GAS7: variants seen among roughly 807,000 people sequenced by gnomAD.
GAS7 encodes the protein growth arrest specific 7, also known as growth arrest-specific protein 7.
GAS7 carries 28 observed loss-of-function variants against 71.1 expected under a neutral mutation model. The observed-to-expected ratio is 0.39, with a 90% CI of 0.29 to 0.54. The LOEUF is 0.54. Ranked by LOEUF, GAS7 falls within the 20% of genes least tolerant of loss-of-function variation. The pLI is 0.62. For missense variants in GAS7, 436 were observed against 627.8 expected (o/e 0.69, Z 3.27); for synonymous variants, 258 against 245.8 (o/e 1.05, Z -0.46).
chr17:10,088,220 C>CAATAATAATAAT (rs58029258), intron 1 of GAS7, among the ~76,000 whole-genome samples: 3,932 of 137,756 alleles, frequency 0.029, 64 homozygotes, highest in African/African-American at 0.042. Context: ...GACTCTATCT[C>CAATAATAATAAT]AATAATAATA....
At chr17:10,098,102 G>A (rs909538465) in intron 1 of GAS7, among the ~76,000 whole-genome samples, 2 of 151,732 alleles carry the variant, frequency 1.3e-5, no homozygotes, top group Admixed American at 1.3e-4. Context: ...GAGACCCTGG[G>A]GTGTCCCCAA....
At position 9,917,048 on chromosome 17, in the gene GAS7, C is replaced by G; in HGVS notation, c.*180G>C. 3.3e-6 allele frequency: 2 copies of G among 603,086 alleles called. No homozygotes were observed. Among genetic ancestry groups the G allele is most frequent in the Non-Finnish European group, 5.9e-6 (2 of 337,178 alleles). 37.4% of individuals were successfully genotyped at this position (603,086 alleles called of 1,614,324 possible). ...AGGGCTGTGGGTCTGTCTTCTGGGC[C>G]TGGGAATATGGGGGAGCCCCCAGCT... On this transcript the variant is annotated 3_prime_UTR_variant, in exon 14 of 14. Coordinates refer to ENST00000432992, the MANE Select transcript of GAS7 (RefSeq NM_201433.2).
At chr17:10,175,952 G>A (rs1434762537) in intron 1 of GAS7, among the ~76,000 whole-genome samples, 10 of 152,260 alleles carry the variant, frequency 6.6e-5, no homozygotes, top group African/African-American at 1.9e-4. Flanking sequence ...CTGTCCCCTG[G>A]GGCCCCTCAC....
intron 2 of GAS7, among the ~76,000 whole-genome samples, chr17:10,004,199 G>A (rs1452364908): frequency 6.6e-6 from 1 of 152,162 alleles, no homozygotes; most frequent in African/African-American, 2.4e-5. Context: ...CAAACAAGAA[G>A]CCATTCGCAT....
chr17:10,004,207 C>T (rs191731807), intron 2 of GAS7, among the ~76,000 whole-genome samples: 12 of 152,318 alleles, frequency 7.9e-5, no homozygotes. Context: ...AAGCCATTCG[C>T]ATTGTGTTCG....
At chr17:9,991,906 G>A (rs771473309) in intron 2 of GAS7, among the ~76,000 whole-genome samples, 4 of 152,010 alleles carry the variant, frequency 2.6e-5, no homozygotes, top group Non-Finnish European at 5.9e-5. Context: ...AAGCCTGGAT[G>A]CTCCAGATCC....
intron 2 of GAS7, among the ~76,000 whole-genome samples, chr17:10,006,330 T>TC (rs2071528877): frequency 1.5e-5 from 2 of 129,530 alleles, no homozygotes; most frequent in Admixed American, 1.5e-4. Flanking sequence ...TTTTTTTTTT[T>TC]TTTTTTTTTT....
intron 11 of GAS7, 79 bp downstream of exon 11, chr17:9,925,397 G>T: frequency 6.9e-7 from 1 of 1,451,490 alleles, no homozygotes; most frequent in Non-Finnish European, 9.6e-7. Flanking sequence ...ATGCACCCTC[G>T]CCAGTCACCT....
At chr17:10,184,821 A>G (rs1421266418) in intron 1 of GAS7, among the ~76,000 whole-genome samples, 2 of 152,170 alleles carry the variant, frequency 1.3e-5, no homozygotes, top group Non-Finnish European at 1.5e-5. Flanking sequence ...GTCACCAGGA[A>G]CAAGTTATTA....
intron 1 of GAS7, among the ~76,000 whole-genome samples, chr17:10,151,345 T>A (rs2074165217): frequency 6.6e-6 from 1 of 152,020 alleles, no homozygotes; most frequent in Non-Finnish European, 1.5e-5. Context: ...GTTTTTTTTT[T>A]AAATACTTGT....
chr17:10,034,246 C>T lies in GAS7; in HGVS notation c.184-14349G>A, dbSNP rs1026384990. 1.6e-5 allele frequency: 16 copies of T among 984,162 alleles called. No homozygotes were observed. Among genetic ancestry groups the T allele is most frequent in the East Asian group, 1.1e-4 (1 of 8,820 alleles). 61.0% of individuals were successfully genotyped at this position (984,162 alleles called of 1,614,324 possible). On this transcript the variant is annotated intron_variant, in intron 1 of 13. Coordinates refer to ENST00000432992, the MANE Select transcript of GAS7 (RefSeq NM_201433.2). The surrounding 1 kb of genome is among the most constrained non-coding windows in gnomAD (Gnocchi z 4.4). ...CCTCAATTGCTTCATCTCTAAAACA[C>T]GGAAGTTGGACCAGATGGTCTCCAA...
At chr17:9,962,758 G>C (rs2069548992) in intron 4 of GAS7, among the ~76,000 whole-genome samples, 1 of 152,170 alleles carries the variant, frequency 6.6e-6, no homozygotes, top group Non-Finnish European at 1.5e-5. Flanking sequence ...GCACCTCACA[G>C]ATGACTGACA....
chr17:10,070,286 A>G (rs2073325561), intron 1 of GAS7, among the ~76,000 whole-genome samples: 1 of 149,250 alleles, frequency 6.7e-6, no homozygotes, highest in South Asian at 2.1e-4. Flanking sequence ...TCCAGCCACC[A>G]GCCTGGGTCA....
intron 1 of GAS7, among the ~76,000 whole-genome samples, chr17:10,162,635 C>G (rs946382011): frequency 6.6e-6 from 1 of 152,152 alleles, no homozygotes; most frequent in Admixed American, 6.6e-5. Context: ...AAAAAACAGC[C>G]ACATCTGATC....
At chr17:10,148,140 A>G (rs1250765301) in intron 1 of GAS7, among the ~76,000 whole-genome samples, 1 of 152,208 alleles carries the variant, frequency 6.6e-6, no homozygotes, top group Non-Finnish European at 1.5e-5. Flanking sequence ...TAGGAGCTTG[A>G]GAAAGAGGGA....
intron 7 of GAS7, 60 bp downstream of exon 7, chr17:9,943,061 C>G: frequency 8.9e-7 from 1 of 1,124,860 alleles, no homozygotes. Flanking sequence ...CCGCCCCGGC[C>G]ACGGGGCCCC....
chr17:10,184,898 G>C (rs1310491049), intron 1 of GAS7, among the ~76,000 whole-genome samples: 1 of 151,568 alleles, frequency 6.6e-6, no homozygotes, highest in Non-Finnish European at 1.5e-5. Context: ...GGCCATGGGA[G>C]GCTGGAGACC....
At chr17:10,179,195 G>A (rs1476516318) in intron 1 of GAS7, among the ~76,000 whole-genome samples, 3 of 152,068 alleles carry the variant, frequency 2.0e-5, no homozygotes, top group African/African-American at 7.2e-5. Flanking sequence ...CGGGCGTGGT[G>A]GTGCATGCCT....
At chr17:9,924,167 T>A (rs571597618) in intron 11 of GAS7, among the ~76,000 whole-genome samples, 1 of 152,340 alleles carries the variant, frequency 6.6e-6, no homozygotes, top group East Asian at 1.9e-4. Flanking sequence ...GTACCAATAC[T>A]GTTTTTGCAA....
Sources: gnomAD v4.1 joint callset for allele counts (sites outside exome capture counted in the v4.1 genomes callset) on GRCh38, gnomAD v4.1.1 for gene constraint, Gnocchi (gnomAD v3.1) non-coding constraint, MANE v1.5 for transcripts, NCBI Gene and HGNC (gene_info 2026-07-23, HGNC 2026-07-21) for gene names.